The following ANKRD11 variants were observed in gnomAD, a reference collection of about 807,000 sequenced individuals.
The protein encoded by ANKRD11 is ankyrin repeat domain-containing protein 11.
A neutral mutation model predicts 195.7 loss-of-function variants in ANKRD11; 17 were observed. The observed-to-expected ratio is 0.09, with a 90% CI of 0.06 to 0.13. ANKRD11 has a LOEUF of 0.13. Ranked by LOEUF, ANKRD11 falls within the 10% of genes least tolerant of loss-of-function variation. ANKRD11 has a pLI of 1.00. For missense variants in ANKRD11, 3,735 were observed against 3,566.1 expected (o/e 1.05, Z -1.21); for synonymous variants, 1,953 against 1,528.1 (o/e 1.28, Z -6.49).
Position 89,284,379 on chromosome 16 carries a change from G to A in ANKRD11, c.2163C>T (p.Ile721=), listed in dbSNP as rs139134429. The A allele has an allele frequency of 2.5e-6, 4 of 1,613,414 alleles. No homozygotes were observed. Among genetic ancestry groups the A allele is most frequent in the Admixed American group, 3.3e-5 (2 of 59,976 alleles). Residue 721 remains isoleucine, a synonymous_variant, in exon 9 of 13, where the codon ATC becomes ATT. Coordinates refer to ENST00000301030, the MANE Select transcript of ANKRD11 (RefSeq NM_013275.6). ...TGCTGATGTCTTTGTTTGTGTCTTT[G>A]ATTCTCTTCAGTGATTTTTCATCTT... ...LFKDEKSLKR[I]KDTNKDISRS... is the part of the protein sequence containing the mutation.
At chr16:89,360,937 G>T (rs2039701861) in intron 2 of ANKRD11, among the ~76,000 whole-genome samples, 1 of 152,112 alleles carries the variant, frequency 6.6e-6, no homozygotes, top group African/African-American at 2.4e-5. Context: ...CCTGTGTCGG[G>T]ACTTGGCCAC....
At position 89,280,656 on chromosome 16, in the gene ANKRD11, C is replaced by G. The variant is rs749397444; in HGVS notation, c.5886G>C (p.Leu1962=). The G allele has an allele frequency of 1.2e-6, 2 of 1,613,470 alleles. No homozygotes were observed. The highest frequency in any genetic ancestry group is 1.7e-6 in the Non-Finnish European group (2 of 1,179,960). ...CAGGGTTTTCAGAGGTGCCCCCGAT[C>G]AGGCTAGAGGCAAGCGCCTGCTCGG... ...HPSEQALASS[L]IGGTSENPVS... is the part of the protein sequence containing the mutation. Residue 1962 remains leucine (L), a synonymous_variant, in exon 9 of 13, where the codon CTG becomes CTC. Transcript: ENST00000301030.
At chr16:89,482,813 G>A (rs2057487245) in intron 1 of ANKRD11, among the ~76,000 whole-genome samples, 1 of 152,202 alleles carries the variant, frequency 6.6e-6, no homozygotes, top group African/African-American at 2.4e-5. Context: ...GGCAGCAGGA[G>A]TCAGAGAGAT....
At chr16:89,329,870 G>A (rs984932713) in intron 2 of ANKRD11, among the ~76,000 whole-genome samples, 7 of 152,256 alleles carry the variant, frequency 4.6e-5, no homozygotes, top group Admixed American at 2.0e-4. Flanking sequence ...GCCGGGCATG[G>A]TGGTGCGTGC....
intron 2 of ANKRD11, among the ~76,000 whole-genome samples, chr16:89,381,354 A>AAAAAAAAAAAAGGG (rs1555560066): frequency 8.0e-6 from 1 of 125,336 alleles, no homozygotes; most frequent in African/African-American, 3.3e-5. Flanking sequence ...AAAAAAAAAA[A>AAAAAAAAAAAAGGG]GGGGTGAGAA....
intron 2 of ANKRD11, among the ~76,000 whole-genome samples, chr16:89,356,088 T>C (rs1051419364): frequency 1.3e-5 from 2 of 152,104 alleles, no homozygotes; most frequent in African/African-American, 4.8e-5. Context: ...TCAAAACAAA[T>C]ACAAGAAAGA....
chr16:89,341,859 CCCACAGCGGCCACGGCCCACGGCAGGAG>C lies in ANKRD11; in HGVS notation c.-59-24809_-59-24782del, dbSNP rs1205036743. Among the ~76,000 whole-genome samples, 27 of 92,310 alleles carry C rather than the reference CCCACAGCGGCCACGGCCCACGGCAGGAG, an allele frequency of 2.9e-4. 1 individual carries two copies. Among genetic ancestry groups the C allele is most frequent in the African/African-American group, 1.1e-3 (25 of 23,570 alleles). The allele number at this position is 92,310 out of a possible 152,430, so 60.6% of individuals were successfully genotyped here. On this transcript the variant is annotated intron_variant, in intron 2 of 12. Coordinates refer to ENST00000301030, the MANE Select transcript of ANKRD11 (RefSeq NM_013275.6). The stretch of plus-strand genomic sequence containing the variant: ...CCACGGCGGGAGTGCTGCACCTCCA[CCCACAGCGGCCACGGCCCACGGCAGGAG>C]TGCTGCACCTCCACCCACAGCGGCC...
chr16:89,268,853 A>C (rs549395265), intron 12 of ANKRD11, among the ~76,000 whole-genome samples, 190 bp from the exon 13 acceptor site: 1 of 152,306 alleles, frequency 6.6e-6, no homozygotes, highest in African/African-American at 2.4e-5. Flanking sequence ...GCTGTGCTAC[A>C]TGTCTGTCCC....
At chr16:89,479,667 A>G (rs183599986) in intron 1 of ANKRD11, among the ~76,000 whole-genome samples, 119 of 138,938 alleles carry the variant, frequency 8.6e-4, no homozygotes, top group African/African-American at 3.0e-3. Context: ...TAAAAAGGCC[A>G]GACGCAGTGG....
Position 89,328,455 on chromosome 16 carries a change from G to A in ANKRD11, c.-59-11377C>T, listed in dbSNP as rs137953353. Among the ~76,000 whole-genome samples, 662 of 152,352 alleles carry A rather than the reference G, an allele frequency of 4.3e-3. 6 individuals carry two copies. The highest frequency in any genetic ancestry group is 0.015 in the African/African-American group (642 of 41,566). ...GGAAAACCCTTCAACAGGTGTCCCA[G>A]CGGTGTCCTCGAAACTGGGTTTCAT... On this transcript the variant is annotated intron_variant, in intron 2 of 12. Coordinates refer to ENST00000301030, the MANE Select transcript of ANKRD11 (RefSeq NM_013275.6).
chr16:89,324,566 C>G (rs1490105926), intron 2 of ANKRD11: 2 of 454,822 alleles, frequency 4.4e-6, no homozygotes, highest in Non-Finnish European at 8.8e-6. Context: ...CCGACGAACC[C>G]TCCATCTGGG....
chr16:89,441,074 A>T (rs184774943), intron 1 of ANKRD11, among the ~76,000 whole-genome samples: 1 of 152,010 alleles, frequency 6.6e-6, no homozygotes, highest in African/African-American at 2.4e-5. Context: ...TGTCTCTACT[A>T]AAAATACAAA....
At chr16:89,304,012 C>G (rs189308757) in intron 4 of ANKRD11, among the ~76,000 whole-genome samples, 1 of 152,234 alleles carries the variant, frequency 6.6e-6, no homozygotes, top group South Asian at 2.1e-4. Flanking sequence ...AGCACTCTCC[C>G]GGTTCACTCC....
At chr16:89,334,547 A>G (rs965338517) in intron 2 of ANKRD11, among the ~76,000 whole-genome samples, 1 of 152,090 alleles carries the variant, frequency 6.6e-6, no homozygotes, top group Non-Finnish European at 1.5e-5. Context: ...CCATGTGGGC[A>G]GTGGGCATGC....
intron 2 of ANKRD11, among the ~76,000 whole-genome samples, chr16:89,405,765 G>A (rs1424670291): frequency 2.0e-5 from 3 of 152,046 alleles, no homozygotes; most frequent in Admixed American, 2.0e-4. Context: ...CCAGACCCTG[G>A]GGCTTAGGGG....
intron 2 of ANKRD11, among the ~76,000 whole-genome samples, chr16:89,398,542 C>A (rs1224375516): frequency 6.6e-6 from 1 of 152,094 alleles, no homozygotes; most frequent in African/African-American, 2.4e-5. Context: ...CACAGGGAGA[C>A]CCCATCTCTT....
At chr16:89,381,805 C>T (rs984623301) in intron 2 of ANKRD11, among the ~76,000 whole-genome samples, 1 of 152,152 alleles carries the variant, frequency 6.6e-6, no homozygotes. Flanking sequence ...CACATTGACC[C>T]CACGCGAATG....
At position 89,280,966 on chromosome 16, in the gene ANKRD11, G is replaced by A. The variant is rs767688937; in HGVS notation, c.5576C>T (p.Ser1859Leu). The A allele has an allele frequency of 2.5e-6, 4 of 1,570,986 alleles. No homozygotes were observed. Among genetic ancestry groups the A allele is most frequent in the Non-Finnish European group, 1.7e-6 (2 of 1,155,728 alleles). The change falls in exon 9 of 13, where the codon TCG becomes TTG. Residue 1859 changes from serine (S) to leucine (L), a missense_variant. Transcript: ENST00000301030. ...GYYSPDYGLPSPKVDALHCPP... is the reference protein window; with the variant it reads ...GYYSPDYGLPLPKVDALHCPP... ...GCAGTGCAAAGCGTCGACTTTGGGC[G>A]ACGGGAGGCCATAGTCTGGGGAGTA...
chr16:89,321,681 C>T (rs2037336491), intron 2 of ANKRD11, among the ~76,000 whole-genome samples: 1 of 151,760 alleles, frequency 6.6e-6, no homozygotes, highest in African/African-American at 2.4e-5. Flanking sequence ...TGTAATGACA[C>T]AACTAATCTT....
Sources: gnomAD v4.1 joint callset for allele counts (sites outside exome capture counted in the v4.1 genomes callset) on GRCh38, gnomAD v4.1.1 for gene constraint, MANE v1.5 for transcripts, NCBI Gene and HGNC (gene_info 2026-07-23, HGNC 2026-07-21) for gene names.